MACROD1: variants seen among roughly 807,000 people sequenced by gnomAD.
The protein encoded by MACROD1 is ADP-ribose glycohydrolase MACROD1.
MACROD1 carries 31 observed loss-of-function variants against 41.4 expected under a neutral mutation model. That is an observed-to-expected ratio of 0.75 (90% CI 0.56 to 1.01). MACROD1 has a LOEUF of 1.01. Among genes scored for constraint, MACROD1 ranks in the 50% least tolerant of loss-of-function variants. MACROD1 has a pLI of 0.00. For missense variants in MACROD1, 473 were observed against 460.0 expected, an observed-to-expected ratio of 1.03 and a Z score of -0.26; for synonymous variants, 252 against 203.4, an observed-to-expected ratio of 1.24 and a Z score of -2.03.
chr11:64,115,179 C>T (rs1306290389), intron 3 of MACROD1, among the ~76,000 whole-genome samples: 2 of 152,202 alleles, frequency 1.3e-5, no homozygotes, highest in African/African-American at 4.8e-5. Flanking sequence ...AGACACCTTC[C>T]TCACTGAGAC....
intron 3 of MACROD1, among the ~76,000 whole-genome samples, chr11:64,085,825 C>A (rs1234470676): frequency 6.6e-6 from 1 of 152,192 alleles, no homozygotes; most frequent in African/African-American, 2.4e-5. Flanking sequence ...ATAACAGCAT[C>A]CCCAGCAGGG....
Position 63,999,713 on chromosome 11 carries a change from G to T in MACROD1, c.715C>A (p.Gln239Lys). The change falls in exon 6 of 11, where the codon CAG (glutamine) becomes AAG (lysine). Residue 239 changes from glutamine to lysine, a missense_variant. By Grantham distance (53) the Gln-to-Lys change is moderately conservative. Coordinates refer to ENST00000255681, the MANE Select transcript of MACROD1 (RefSeq NM_014067.4). ...PIAYGEPSAS[Q>K]AAELRSCYLS... The stretch of plus-strand genomic sequence containing the variant: ...TAGCAGCTGCGGAGCTCGGCAGCCT[G>T]ACTGGCGCTGGGCTCCCCGTAGGCG... 1 of 1,608,942 alleles carries T rather than the reference G, an allele frequency of 6.2e-7. No homozygotes were observed. The highest frequency in any genetic ancestry group is 8.5e-7 in the Non-Finnish European group (1 of 1,179,398).
intron 3 of MACROD1, chr11:64,117,875 C>T (rs1247874690): frequency 6.2e-7 from 1 of 1,613,982 alleles, no homozygotes; most frequent in African/African-American, 1.3e-5. Context: ...ATGGCCCTAC[C>T]ACCACACTCA....
chr11:64,136,024 C>T (rs927555409), intron 3 of MACROD1, among the ~76,000 whole-genome samples: 64 of 152,346 alleles, frequency 4.2e-4, no homozygotes, highest in African/African-American at 1.5e-3. Context: ...GGCAGCCAAA[C>T]CCACCGTCCT....
rs1358035252 is a variant in MACROD1 at position 64,118,636 on chromosome 11, A to G, written c.517+32603T>C. 4 of 229,768 alleles carry G rather than the reference A, an allele frequency of 1.7e-5. No individual in the cohort carries two copies. The East Asian group carries it at 3.0e-4, about 17-fold the overall frequency. 14.2% of individuals were successfully genotyped at this position (229,768 alleles called of 1,614,324 possible). Reference sequence around the variant, plus strand: ...CCTGAACTGGAAGGATACTACCTGTACAACATCTGTGGACACCTCATGCTC... The same window carrying G: ...CCTGAACTGGAAGGATACTACCTGTGCAACATCTGTGGACACCTCATGCTC... On this transcript the variant is annotated intron_variant, in intron 3 of 10. Coordinates refer to ENST00000255681, the MANE Select transcript of MACROD1 (RefSeq NM_014067.4).
chr11:64,016,032 C>G (rs1012509429), intron 3 of MACROD1, among the ~76,000 whole-genome samples: 1 of 152,204 alleles, frequency 6.6e-6, no homozygotes, highest in Non-Finnish European at 1.5e-5. Flanking sequence ...CTCTGAGCCC[C>G]GCTGCAGGAA....
intron 3 of MACROD1, among the ~76,000 whole-genome samples, chr11:64,056,450 A>G (rs909263947): frequency 1.3e-5 from 2 of 152,080 alleles, no homozygotes; most frequent in African/African-American, 4.8e-5. Context: ...GGTGGGGAGG[A>G]AGGGGGAGCA....
intron 5 of MACROD1, 49 bp from the exon 6 acceptor site, chr11:63,999,812 G>A: frequency 6.4e-7 from 1 of 1,567,756 alleles, no homozygotes; most frequent in Non-Finnish European, 8.6e-7. Flanking sequence ...GCGGTCCTCA[G>A]CTCCCTCGCT....
At chr11:64,043,970 C>T (rs776411740) in intron 3 of MACROD1, among the ~76,000 whole-genome samples, 2 of 152,068 alleles carry the variant, frequency 1.3e-5, no homozygotes, top group Non-Finnish European at 2.9e-5. Context: ...CCCGCCACCA[C>T]GCCGGGCTAA....
intron 3 of MACROD1, among the ~76,000 whole-genome samples, chr11:64,142,145 C>T (rs1313739464): frequency 3.9e-5 from 6 of 152,158 alleles, no homozygotes; most frequent in Admixed American, 3.3e-4. Context: ...CTGGGCTAGG[C>T]AGGAAGAGGG....
intron 3 of MACROD1, among the ~76,000 whole-genome samples, chr11:64,048,139 C>T (rs1371199943): frequency 6.6e-6 from 1 of 152,212 alleles, no homozygotes; most frequent in Non-Finnish European, 1.5e-5. Context: ...GGGCAGGGGC[C>T]CTGCCCCCAC....
intron 3 of MACROD1, among the ~76,000 whole-genome samples, chr11:64,137,282 G>A (rs77457183): frequency 1.0e-3 from 154 of 152,302 alleles, no homozygotes; most frequent in African/African-American, 3.6e-3. Context: ...CAGCGGCGGG[G>A]GGGTCTCCTG....
At chr11:64,139,874 T>A (rs571809591) in intron 3 of MACROD1, among the ~76,000 whole-genome samples, 1 of 151,070 alleles carries the variant, frequency 6.6e-6, no homozygotes, top group South Asian at 2.1e-4. Flanking sequence ...GAGAATAGCA[T>A]GAACCTGGGA....
At chr11:64,159,125 G>A (rs1945713521) in intron 1 of MACROD1, among the ~76,000 whole-genome samples, 1 of 151,976 alleles carries the variant, frequency 6.6e-6, no homozygotes, top group South Asian at 2.1e-4. Flanking sequence ...TTCGAGACCA[G>A]CCTGAACAAC....
intron 3 of MACROD1, among the ~76,000 whole-genome samples, chr11:64,059,960 C>A (rs1943866352): frequency 6.6e-6 from 1 of 151,942 alleles, no homozygotes; most frequent in East Asian, 1.9e-4. Flanking sequence ...GTTGGGGGGC[C>A]GGGGCACCCT....
At chr11:64,123,509 A>G (rs1399191136) in intron 3 of MACROD1, among the ~76,000 whole-genome samples, 2 of 94,706 alleles carry the variant, frequency 2.1e-5, no homozygotes, top group African/African-American at 8.1e-5. Context: ...TCTGCATAGC[A>G]GGGACTTTCT....
chr11:64,053,160 A>G (rs1236364857), intron 3 of MACROD1, among the ~76,000 whole-genome samples: 2 of 152,098 alleles, frequency 1.3e-5, no homozygotes, highest in Admixed American at 6.5e-5. Context: ...CCCCAGACGG[A>G]GAGCTGGGGC....
At chr11:64,128,779 C>T (rs912682555) in intron 3 of MACROD1, among the ~76,000 whole-genome samples, 6 of 150,768 alleles carry the variant, frequency 4.0e-5, no homozygotes, top group Admixed American at 2.0e-4. Context: ...TGACCCCTTC[C>T]CACGCCTCGC....
At chr11:64,089,797 T>TA (rs1247038878) in intron 3 of MACROD1, among the ~76,000 whole-genome samples, 1 of 152,106 alleles carries the variant, frequency 6.6e-6, no homozygotes, top group East Asian at 1.9e-4. Context: ...TAAGGGCTCC[T>TA]AATGCCAGTC....
Sources: allele counts gnomAD v4.1 joint callset (sites outside exome capture counted in the v4.1 genomes callset), GRCh38; gene constraint gnomAD v4.1.1; transcripts MANE v1.5; gene names NCBI Gene and HGNC (gene_info 2026-07-23, HGNC 2026-07-21).